The following DACH1 variants were observed in gnomAD, a reference collection of about 807,000 sequenced individuals.
DACH1 encodes dachshund homolog 1.
Under a neutral mutation model 54.2 loss-of-function variants are expected in DACH1, and 12 were observed. The observed-to-expected ratio is 0.22, with a 90% confidence interval of 0.14 to 0.36. DACH1 has a LOEUF of 0.36. Ranked by LOEUF, DACH1 falls within the 10% of genes least tolerant of loss-of-function variation. The probability of loss-of-function intolerance (pLI) is 1.00; values close to 1 mark genes in which losing one functional copy is unlikely to be tolerated. For synonymous variants in DACH1, 386 were observed against 366.2 expected (o/e 1.05, Z -0.62); for missense variants, 805 against 929.8 (o/e 0.87, Z 1.75).
intron 1 of DACH1, among the ~76,000 whole-genome samples, chr13:71,756,950 C>T (rs527473816): frequency 1.2e-4 from 19 of 152,056 alleles, no homozygotes; most frequent in Admixed American, 2.6e-4. Context: ...TCAGGAGAAA[C>T]GATGGCTCAC....
At chr13:71,492,954 T>C (rs1374761263) in intron 6 of DACH1, among the ~76,000 whole-genome samples, 2 of 152,112 alleles carry the variant, frequency 1.3e-5, no homozygotes, top group Non-Finnish European at 1.5e-5. Flanking sequence ...CCAATTGTAT[T>C]ATTTTTGAGA....
rs61956391 is a variant in DACH1, at chr13:71,827,228, A to C, written c.848+38694T>G. On this transcript the variant is annotated intron_variant, in intron 1 of 10. Coordinates refer to ENST00000613252, the MANE Select transcript of DACH1 (RefSeq NM_080759.6). ...ACTAGTTCCACCTTACCAATATCTA[A>C]GAAGGCAATATTACAATCATTGTTT... Among the ~76,000 whole-genome samples, 1,067 of 152,166 alleles carry C rather than the reference A, an allele frequency of 7.0e-3. 6 individuals carry two copies. The highest frequency in any genetic ancestry group is 0.012 in the Non-Finnish European group (791 of 67,954).
At position 71,855,993 on chromosome 13, in the gene DACH1, G is replaced by A. The variant is rs1016220490; in HGVS notation, c.848+9929C>T. Reference sequence around the variant, plus strand: ...AAAGAGAAGAATTTTGTTTTAAAAAGTAACATTTTAATAGCATGAGAAAAC... The same window carrying A: ...AAAGAGAAGAATTTTGTTTTAAAAAATAACATTTTAATAGCATGAGAAAAC... On this transcript the variant is annotated intron_variant, in intron 1 of 10. Coordinates refer to ENST00000613252, the MANE Select transcript of DACH1 (RefSeq NM_080759.6). Among the ~76,000 whole-genome samples, 10 of 151,918 alleles carry A rather than the reference G, an allele frequency of 6.6e-5. No homozygotes were observed. The East Asian group carries it at 1.7e-3, about 26-fold the overall frequency.
intron 1 of DACH1, among the ~76,000 whole-genome samples, chr13:71,843,755 CA>C (rs1873040770): frequency 6.6e-6 from 1 of 152,076 alleles, no homozygotes; most frequent in Non-Finnish European, 1.5e-5. Context: ...TACCAAGCCC[CA>C]AGTGCAACAC....
intron 2 of DACH1, among the ~76,000 whole-genome samples, chr13:71,652,066 C>T (rs1878728161): frequency 1.3e-5 from 2 of 152,088 alleles, no homozygotes; most frequent in Non-Finnish European, 2.9e-5. Context: ...GATCGTATTC[C>T]TATTTGTTTC....
intron 10 of DACH1, among the ~76,000 whole-genome samples, chr13:71,463,373 G>A (rs772037942): frequency 2.6e-5 from 4 of 151,878 alleles, no homozygotes; most frequent in Non-Finnish European, 4.4e-5. Flanking sequence ...GAAACTTAAA[G>A]TCAATTTAAT....
chr13:71,524,569 C>A lies in DACH1; in HGVS notation c.1570+32455G>T, dbSNP rs560857629. ...GTCAAATCCCATTTTGTAGCTCAAG[C>A]TGAATGTTAGCTGAGTATTAATAAA... On this transcript the variant is annotated intron_variant, in intron 6 of 10. Transcript: ENST00000613252. 3.3e-5 allele frequency among the ~76,000 whole-genome samples: 5 copies of A among 152,144 alleles called. 1 individual carries two copies. The South Asian group carries it at 8.3e-4, about 25-fold the overall frequency.
rs150864842 is a variant in DACH1, at chr13:71,758,373, T to C, written c.849-76463A>G. Among the ~76,000 whole-genome samples, 57 of 152,322 alleles carry C rather than the reference T, an allele frequency of 3.7e-4. 1 individual carries two copies. The highest frequency in any genetic ancestry group is 1.3e-3 in the African/African-American group (55 of 41,584). On this transcript the variant is annotated intron_variant, in intron 1 of 10. Coordinates refer to ENST00000613252, the MANE Select transcript of DACH1 (RefSeq NM_080759.6). ...CCTGGAAAACACCTCTGTAGGTGTC[T>C]AAAGAAATACAGGGAGTGAGAACCT... is the stretch of plus-strand genomic sequence containing the variant.
At chr13:71,693,539 C>T (rs1300006145) in intron 1 of DACH1, among the ~76,000 whole-genome samples, 2 of 143,744 alleles carry the variant, frequency 1.4e-5, no homozygotes, top group African/African-American at 2.6e-5. Context: ...AGGATGGTCT[C>T]GATCTCCTGA....
chr13:71,551,113 T>G (rs564521988), intron 6 of DACH1, among the ~76,000 whole-genome samples: 2 of 152,118 alleles, frequency 1.3e-5, no homozygotes, highest in Non-Finnish European at 2.9e-5. Context: ...TATTGATTAA[T>G]TTGAATAAGA....
chr13:71,573,201 T>C (rs1885323018), intron 3 of DACH1, among the ~76,000 whole-genome samples, 189 bp from the exon 4 acceptor site: 1 of 152,172 alleles, frequency 6.6e-6, no homozygotes, highest in Admixed American at 6.5e-5. Flanking sequence ...GGTTTATCAT[T>C]TCCTAACTTA....
At chr13:71,552,648 A>C (rs1883888119) in intron 6 of DACH1, among the ~76,000 whole-genome samples, 2 of 150,944 alleles carry the variant, frequency 1.3e-5, no homozygotes, top group South Asian at 4.2e-4. Context: ...CACAAATGTC[A>C]ATTATTACAG....
chr13:71,676,519 G>C (rs1017795895), intron 2 of DACH1, among the ~76,000 whole-genome samples: 1 of 152,082 alleles, frequency 6.6e-6, no homozygotes, highest in Admixed American at 6.6e-5. Flanking sequence ...GCCCAGCCTA[G>C]GCACAGTTTT....
chr13:71,594,658 T>C (rs1240683407), intron 3 of DACH1, among the ~76,000 whole-genome samples: 1 of 152,130 alleles, frequency 6.6e-6, no homozygotes, highest in East Asian at 1.9e-4. Flanking sequence ...ACTTTTTCAG[T>C]GCAAAGATTT....
At chr13:71,573,519 C>T (rs2138416732) in intron 3 of DACH1, 1 of 679,652 alleles carries the variant, frequency 1.5e-6, no homozygotes, top group East Asian at 2.8e-5. Context: ...GGCCTGAGGT[C>T]CCTGGGATGG....
rs58963611 is a variant in DACH1 at position 71,654,458 on chromosome 13, G to GTAAAATAAAATAAAA, written c.965-23756_965-23742dup. ...ATAAAATAAAATAAAATAAAATAAA[G>GTAAAATAAAATAAAA]TAAAATAAAATAAAATAAAATAAAA... is the stretch of plus-strand genomic sequence containing the variant. On this transcript the variant is annotated intron_variant, in intron 2 of 10. Transcript: ENST00000613252. Among the ~76,000 whole-genome samples, 703 of 71,062 alleles carry GTAAAATAAAATAAAA rather than the reference G, an allele frequency of 9.9e-3. 26 individuals are homozygous for GTAAAATAAAATAAAA. Among genetic ancestry groups the GTAAAATAAAATAAAA allele is most frequent in the East Asian group, 0.071 (141 of 1,994 alleles). 46.6% of individuals were successfully genotyped at this position (71,062 alleles called of 152,430 possible). A position where few individuals can be genotyped will look rare whatever the true frequency, so the allele number is the denominator to read the frequency against.
chr13:71,466,933 A>T (rs939152425), intron 10 of DACH1, among the ~76,000 whole-genome samples: 4 of 151,964 alleles, frequency 2.6e-5, no homozygotes, highest in African/African-American at 4.8e-5. Context: ...TTGAAATAAC[A>T]TCACAAAACT....
chr13:71,705,299 A>G (rs1283210270), intron 1 of DACH1, among the ~76,000 whole-genome samples: 2 of 152,202 alleles, frequency 1.3e-5, no homozygotes, highest in Non-Finnish European at 2.9e-5. Context: ...TGGGTTGGGA[A>G]AAAGAATAAA....
intron 1 of DACH1, among the ~76,000 whole-genome samples, chr13:71,841,479 CAG>C (rs1872839514): frequency 6.6e-6 from 1 of 152,144 alleles, no homozygotes; most frequent in South Asian, 2.1e-4. Context: ...AGTTCTTTGT[CAG>C]AGCCTGGATA....
Sources: gnomAD v4.1 joint callset for allele counts (sites outside exome capture counted in the v4.1 genomes callset) on GRCh38, gnomAD v4.1.1 for gene constraint, MANE v1.5 for transcripts, NCBI Gene and HGNC (gene_info 2026-07-23, HGNC 2026-07-21) for gene names.